The following STARD13 variants were observed in gnomAD, a reference collection of about 807,000 sequenced individuals.
STARD13 encodes stAR-related lipid transfer protein 13.
In STARD13, 62 loss-of-function variants were observed where a neutral mutation model predicts 106.4. That is an observed-to-expected ratio of 0.58 (90% CI 0.48 to 0.72). The LOEUF (loss-of-function observed/expected upper bound fraction) is 0.72. Ranked by LOEUF, STARD13 falls within the 30% of genes least tolerant of loss-of-function variation. The pLI, the probability that STARD13 is intolerant of heterozygous loss-of-function variation, is 0.00. For synonymous variants in STARD13, 565 were observed against 553.0 expected (o/e 1.02, Z -0.31); for missense variants, 1,387 against 1,424.0 (o/e 0.97, Z 0.42).
At chr13:33,644,275 C>T in the STARD13 span, among the ~76,000 whole-genome samples, 1 of 152,188 alleles carries the variant, frequency 6.6e-6, no homozygotes, top group Non-Finnish European at 1.5e-5. Flanking sequence ...TCTTTCTAGC[C>T]TAATTTCTTC....
At chr13:33,524,202 C>CA in the STARD13 span, 1 of 1,230,884 alleles carries the variant, frequency 8.1e-7, no homozygotes, top group Non-Finnish European at 1.1e-6. Flanking sequence ...GCAGGACACT[C>CA]ACACCAGGGG....
chr13:33,502,519 A>G, the STARD13 span, among the ~76,000 whole-genome samples: 1 of 151,916 alleles, frequency 6.6e-6, no homozygotes, highest in African/African-American at 2.4e-5. Flanking sequence ...TTGGCTGTGG[A>G]TTTGTCATAA....
the STARD13 span, among the ~76,000 whole-genome samples, chr13:33,635,642 G>A: frequency 1.1e-4 from 17 of 150,886 alleles, no homozygotes; most frequent in Middle Eastern, 3.5e-3. Context: ...CAGCCTGGGC[G>A]AGAGAGCAAG....
intron 1 of STARD13, among the ~76,000 whole-genome samples, chr13:33,236,869 C>T (rs897750645): frequency 6.6e-6 from 1 of 152,222 alleles, no homozygotes; most frequent in Non-Finnish European, 1.5e-5. Flanking sequence ...CAGCCATCTT[C>T]TGCAGTTGGT....
the STARD13 span, among the ~76,000 whole-genome samples, chr13:33,553,251 A>G: frequency 6.6e-6 from 1 of 152,244 alleles, no homozygotes; most frequent in South Asian, 2.1e-4. Context: ...AAAATTGGAA[A>G]CAACCTAAAC....
intron 1 of STARD13, among the ~76,000 whole-genome samples, chr13:33,186,586 A>C (rs1885788907): frequency 6.6e-6 from 1 of 152,146 alleles, no homozygotes; most frequent in African/African-American, 2.4e-5. Flanking sequence ...TAATGCAGGT[A>C]CTAAGGTTCG....
the STARD13 span, among the ~76,000 whole-genome samples, chr13:33,467,557 A>C: frequency 3.9e-5 from 6 of 152,150 alleles, no homozygotes; most frequent in Non-Finnish European, 7.3e-5. Context: ...CACAGCAGTA[A>C]GTCTCTTTTC....
At chr13:33,571,344 T>C in the STARD13 span, among the ~76,000 whole-genome samples, 1 of 152,204 alleles carries the variant, frequency 6.6e-6, no homozygotes, top group Non-Finnish European at 1.5e-5. Context: ...ATAAAATTAG[T>C]ATCTCAATTC....
chr13:33,346,638 T>A (rs1011161750), downstream of STARD13, among the ~76,000 whole-genome samples: 2 of 152,084 alleles, frequency 1.3e-5, no homozygotes, highest in African/African-American at 4.8e-5. Context: ...ATTTATTTTT[T>A]ATTTTTTTTG....
At chr13:33,650,381 G>A in the STARD13 span, among the ~76,000 whole-genome samples, 5 of 150,228 alleles carry the variant, frequency 3.3e-5, no homozygotes, top group Admixed American at 2.0e-4. Context: ...TAGTAGAGAC[G>A]GGGTTTCACC....
intron 1 of STARD13, among the ~76,000 whole-genome samples, chr13:33,180,045 A>C (rs979974928): frequency 5.3e-5 from 8 of 152,232 alleles, no homozygotes; most frequent in Non-Finnish European, 1.0e-4. Context: ...ACAAGTATCT[A>C]ACATGCAATT....
At position 33,334,596 on chromosome 13, in the gene STARD13, G is replaced by A. The variant is rs140326792; in HGVS notation, c.124+15694C>T. On this transcript the variant is annotated intron_variant, in intron 1 of 5. Coordinates refer to the STARD13 transcript ENST00000567873. Reference sequence around the variant, plus strand: ...GACATAAAAGGAGAGACCCTCAAGAGGTGGGAGTGGGCATCACTAGAATGG... The same window carrying A: ...GACATAAAAGGAGAGACCCTCAAGAAGTGGGAGTGGGCATCACTAGAATGG... Among the ~76,000 whole-genome samples, 758 of 152,270 alleles carry A rather than the reference G, an allele frequency of 5.0e-3. 5 individuals are homozygous for A. The highest frequency in any genetic ancestry group is 0.017 in the African/African-American group (714 of 41,552).
At chr13:33,471,809 G>T in the STARD13 span, among the ~76,000 whole-genome samples, 2 of 152,080 alleles carry the variant, frequency 1.3e-5, no homozygotes, top group African/African-American at 2.4e-5. Context: ...GCATTAAATT[G>T]CCAAGCTGCA....
At chr13:33,443,376 C>CAA in the STARD13 span, among the ~76,000 whole-genome samples, 8 of 94,756 alleles carry the variant, frequency 8.4e-5, no homozygotes, top group East Asian at 3.1e-4. Context: ...GATTCTGTCT[C>CAA]AAAAAAAAAA....
Position 33,256,677 on chromosome 13 carries a change from A to G in STARD13, c.169+28793T>C, listed in dbSNP as rs1189583311. 2.6e-5 allele frequency among the ~76,000 whole-genome samples: 4 copies of G among 152,234 alleles called. No homozygotes were observed. In the East Asian group the frequency reaches 5.8e-4, roughly 22 times the overall value. ...TTTAACAAACCAGAATCAGTTCAAA[A>G]TGACTGCAAAAAACCTTCCTAGTCA... On this transcript the variant is annotated intron_variant, in intron 1 of 13. Transcript: ENST00000336934.
intron 3 of STARD13, among the ~76,000 whole-genome samples, chr13:33,151,384 C>T (rs529578747): frequency 4.6e-5 from 7 of 152,108 alleles, no homozygotes; most frequent in South Asian, 2.1e-4. Flanking sequence ...GCATACCACA[C>T]GGTGAAAGCA....
chr13:33,186,216 C>A (rs1165853895), intron 1 of STARD13: 3 of 616,072 alleles, frequency 4.9e-6, no homozygotes, highest in Non-Finnish European at 8.1e-6. Flanking sequence ...TGCATCACAG[C>A]CTTAAAATAA....
At chr13:33,650,188 TTTTTTTTTTTTTTTTTTTTTG>T in the STARD13 span, among the ~76,000 whole-genome samples, 1 of 98,660 alleles carries the variant, frequency 1.0e-5, no homozygotes, top group African/African-American at 5.0e-5. Context: ...TTTTTTTTTT[TTTTTTTTTTTTTTTTTTTTTG>T]AGACGGCATC....
the STARD13 span, among the ~76,000 whole-genome samples, chr13:33,409,778 A>G: frequency 1.3e-5 from 2 of 152,200 alleles, no homozygotes; most frequent in African/African-American, 4.8e-5. Flanking sequence ...ACAGGTCAGG[A>G]CACACTAACA....
Sources: allele counts gnomAD v4.1 joint callset (sites outside exome capture counted in the v4.1 genomes callset), GRCh38; gene constraint gnomAD v4.1.1; transcripts MANE v1.5; gene names NCBI Gene and HGNC (gene_info 2026-07-23, HGNC 2026-07-21).